Variants in ALPK1 observed in about 807,000 individuals in gnomAD.
The protein encoded by ALPK1 is alpha kinase 1, also known as alpha-protein kinase 1.
ALPK1 carries 110 observed loss-of-function variants against 120.6 expected under a neutral mutation model. The observed-to-expected ratio is 0.91, with a 90% CI of 0.78 to 1.07. The LOEUF (loss-of-function observed/expected upper bound fraction) is 1.07. ALPK1 is among the 50% of genes least tolerant of loss of function. ALPK1 has a pLI of 0.00. For synonymous variants in ALPK1, 582 were observed against 560.3 expected (o/e 1.04, Z -0.55); for missense variants, 1,498 against 1,483.9 (o/e 1.01, Z -0.16).
intron 1 of ALPK1, among the ~76,000 whole-genome samples, chr4:112,312,456 T>C (rs904748510): frequency 1.3e-5 from 2 of 152,136 alleles, no homozygotes; most frequent in Non-Finnish European, 1.5e-5. Flanking sequence ...GTATTTTTGG[T>C]AGAGACGGGG....
At chr4:112,344,024 G>A (rs1729995834) in intron 2 of ALPK1, among the ~76,000 whole-genome samples, 1 of 152,160 alleles carries the variant, frequency 6.6e-6, no homozygotes, top group Admixed American at 6.5e-5. Flanking sequence ...TTTCATGTTG[G>A]TGCATATTAA....
At chr4:112,430,159 G>A (rs893885004) in intron 10 of ALPK1, among the ~76,000 whole-genome samples, 1 of 152,124 alleles carries the variant, frequency 6.6e-6, no homozygotes, top group Non-Finnish European at 1.5e-5. Flanking sequence ...CAAGCCTATC[G>A]TCTTTAATCA....
rs371190341 is a variant in ALPK1 at position 112,393,855 on chromosome 4, CTGAG to C, written c.276+11305_276+11308del. Among the ~76,000 whole-genome samples, 48 of 152,210 alleles carry C rather than the reference CTGAG, an allele frequency of 3.2e-4. No individual in the cohort carries two copies. In the East Asian group the frequency reaches 8.5e-3, roughly 27 times the overall value. On this transcript the variant is annotated intron_variant, in intron 4 of 15. Transcript: ENST00000650871. The stretch of plus-strand genomic sequence containing the variant: ...TTCCCATTTGGTGGCCTGCTATAAG[CTGAG>C]TATCATTATTCTTCTGTTATATTTT...
intron 4 of ALPK1, among the ~76,000 whole-genome samples, chr4:112,403,869 A>G (rs555265257): frequency 1.3e-5 from 2 of 152,330 alleles, no homozygotes; most frequent in Admixed American, 6.5e-5. Context: ...TAGAAGGGGG[A>G]AAAATAGATT....
At chr4:112,423,596 AT>A in intron 5 of ALPK1, 1 of 406,744 alleles carries the variant, frequency 2.5e-6, no homozygotes, top group Non-Finnish European at 4.7e-6. Flanking sequence ...GGGCAACTCT[AT>A]TCCACTTCCT....
Position 112,377,880 on chromosome 4 carries a change from G to C in ALPK1, c.103G>C (p.Glu35Gln), listed in dbSNP as rs779703332. 1.2e-6 allele frequency: 2 copies of C among 1,612,776 alleles called. No individual in the cohort carries two copies. Among genetic ancestry groups the C allele is most frequent in the South Asian group, 2.2e-5 (2 of 90,886 alleles). Residue 35 changes from glutamate to glutamine, a missense_variant, in exon 3 of 16, where the codon GAG becomes CAG. Coordinates refer to ENST00000650871, the MANE Select transcript of ALPK1 (RefSeq NM_025144.4). The stretch of plus-strand genomic sequence containing the variant: ...AGATGTGTCGGAAGAGGACAAGAGC[G>C]AGGACCAGCGCTGCAGAGGTGAGGT... ...APDVSEEDKSEDQRCRALLPS... is the reference protein window; with the variant it reads ...APDVSEEDKSQDQRCRALLPS...
chr4:112,424,078 G>A, intron 6 of ALPK1, 75 bp downstream of exon 6: 4 of 1,385,720 alleles, frequency 2.9e-6, no homozygotes, highest in Non-Finnish European at 3.0e-6. Flanking sequence ...ACAACTTAGT[G>A]ACTTAATAGT....
At position 112,346,608 on chromosome 4, in the gene ALPK1, G is replaced by C. The variant is rs149125363; in HGVS notation, c.-101+30756G>C. Among the ~76,000 whole-genome samples, 343 of 152,342 alleles carry C rather than the reference G, an allele frequency of 2.3e-3. 2 individuals carry two copies. The highest frequency in any genetic ancestry group is 6.8e-3 in the Middle Eastern group (2 of 294). ...AATGAAATTGCTCTGGGTCCATGAT[G>C]CCAACCAGTCATTTGGCCTACTCTT... is the stretch of plus-strand genomic sequence containing the variant. On this transcript the variant is annotated intron_variant, in intron 2 of 15. Transcript: ENST00000650871.
rs1734597062 is a variant in ALPK1 at position 112,432,243 on chromosome 4, C to CT, written c.2697dup (p.Val900CysfsTer44). The CT allele has an allele frequency of 1.2e-6, 2 of 1,614,238 alleles. No homozygotes were observed. Among genetic ancestry groups the CT allele is most frequent in the Non-Finnish European group, 1.7e-6 (2 of 1,180,042 alleles). ...TCTGTAAGCGGTAACATCCTCTTCC[C>CT]TGTCCTCAGCGAGGACTGCACTACC... is the stretch of plus-strand genomic sequence containing the variant. On this transcript the variant is annotated frameshift_variant, in exon 11 of 16. Coordinates refer to ENST00000650871, the MANE Select transcript of ALPK1 (RefSeq NM_025144.4). LOFTEE classifies it high-confidence loss of function.
chr4:112,364,601 G>A (rs1346845544), intron 2 of ALPK1, among the ~76,000 whole-genome samples: 2 of 152,060 alleles, frequency 1.3e-5, no homozygotes, highest in Non-Finnish European at 2.9e-5. Flanking sequence ...GACCAGATGG[G>A]TTCACAGCTG....
In ALPK1 at chr4:112,429,111, A is replaced by AT. The variant is rs774154999; in HGVS notation, c.796-36dup. On this transcript the variant is annotated intron_variant, in intron 9 of 15. Transcript: ENST00000650871. ...CCTGTTTTTTGCTCATCGATAATTA[A>AT]TTATCACCATTCCACTTAGCCTCCT... 2.6e-6 allele frequency: 4 copies of AT among 1,563,708 alleles called. No individual in the cohort carries two copies. The South Asian group carries it at 4.4e-5, about 17-fold the overall frequency.
Position 112,439,767 on chromosome 4 carries a change from A to T in ALPK1, c.3433A>T (p.Thr1145Ser), listed in dbSNP as rs1734949540. ...AGAATTTGTAAAATTGTCAAATAAC[A>T]CGAAAGTGGTGAAAACAGAATACAA... is the stretch of plus-strand genomic sequence containing the variant. Reference protein sequence around the residue: ...LGEFVKLSNNTKVVKTEYKAT... With the variant: ...LGEFVKLSNNSKVVKTEYKAT... The change falls in exon 14 of 16, where the codon ACG becomes TCG. Residue 1145 changes from threonine (T) to serine (S), a missense_variant. Thr to Ser is a moderately conservative substitution (Grantham distance 58, BLOSUM62 1). Transcript: ENST00000650871. 1 of 1,613,710 alleles carries T rather than the reference A, an allele frequency of 6.2e-7. No homozygotes were observed. Among genetic ancestry groups the T allele is most frequent in the Non-Finnish European group, 8.5e-7 (1 of 1,179,872 alleles).
Position 112,431,700 on chromosome 4 carries a change from G to T in ALPK1, c.2153G>T (p.Arg718Leu). The T allele has an allele frequency of 6.2e-7, 1 of 1,614,142 alleles. No homozygotes were observed. The highest frequency in any genetic ancestry group is 8.5e-7 in the Non-Finnish European group (1 of 1,180,038). The change falls in exon 11 of 16, where the codon CGT (arginine) becomes CTT (leucine). Residue 718 changes from arginine (R) to leucine (L), a missense_variant. Physicochemically the swap from Arg to Leu is moderately radical, Grantham distance 102. Transcript: ENST00000650871. Reference sequence around the variant, plus strand: ...TCTGCTCACTCCAGACCCTCATATCGTTCTGCTTCTTGGTCTTCTGATTCT... The same window carrying T: ...TCTGCTCACTCCAGACCCTCATATCTTTCTGCTTCTTGGTCTTCTGATTCT... Reference protein sequence around the residue: ...NTSAHSRPSYRSASWSSDSGR... With the variant: ...NTSAHSRPSYLSASWSSDSGR...
intron 1 of ALPK1, among the ~76,000 whole-genome samples, chr4:112,311,758 G>A (rs764025095): frequency 1.3e-5 from 2 of 152,184 alleles, no homozygotes; most frequent in Non-Finnish European, 2.9e-5. Context: ...ATTTTTTCTA[G>A]GAAAGGGTTT....
At chr4:112,357,037 C>T in intron 2 of ALPK1, 1 of 839,994 alleles carries the variant, frequency 1.2e-6, no homozygotes, top group Non-Finnish European at 2.0e-6. Flanking sequence ...GCGCGGACCC[C>T]ACCAGCTCAG....
chr4:112,354,756 C>T (rs937265338), intron 2 of ALPK1, among the ~76,000 whole-genome samples: 6 of 152,140 alleles, frequency 3.9e-5, no homozygotes, highest in African/African-American at 9.7e-5. Context: ...GCATGAGTCA[C>T]CATGCCTGGA....
intron 2 of ALPK1, among the ~76,000 whole-genome samples, chr4:112,361,765 G>A (rs1489886108): frequency 6.6e-6 from 1 of 152,202 alleles, no homozygotes; most frequent in Non-Finnish European, 1.5e-5. Flanking sequence ...CCACCTCCTG[G>A]CTGGAGGCCA....
chr4:112,387,434 A>G (rs1281747249), intron 4 of ALPK1, among the ~76,000 whole-genome samples: 3 of 152,070 alleles, frequency 2.0e-5, no homozygotes, highest in African/African-American at 7.2e-5. Context: ...CTGTGGAGGG[A>G]GGGGCCTGCT....
intron 2 of ALPK1, among the ~76,000 whole-genome samples, chr4:112,363,589 C>T (rs951919049): frequency 6.6e-6 from 1 of 152,032 alleles, no homozygotes; most frequent in African/African-American, 2.4e-5. Flanking sequence ...ATGAGATAGA[C>T]AGCAACACAA....
Sources: allele counts gnomAD v4.1 joint callset (sites outside exome capture counted in the v4.1 genomes callset), GRCh38; gene constraint gnomAD v4.1.1; transcripts MANE v1.5; gene names NCBI Gene and HGNC (gene_info 2026-07-23, HGNC 2026-07-21).